Variants in CREB1 observed in about 807,000 individuals in gnomAD.
CREB1 encodes cyclic AMP-responsive element-binding protein 1.
In CREB1, 2 loss-of-function variants were observed where a neutral mutation model predicts 42.0. The observed-to-expected ratio is 0.05, with a 90% CI of 0.02 to 0.15. The LOEUF is 0.15. Ranked by LOEUF, CREB1 falls within the 10% of genes least tolerant of loss-of-function variation. CREB1 has a pLI of 1.00. For synonymous variants in CREB1, 123 were observed against 139.9 expected (o/e 0.88, Z 0.85); for missense variants, 199 against 388.9 (o/e 0.51, Z 4.11).
At chr2:207,548,478 C>T (rs969736149) in intron 1 of CREB1, among the ~76,000 whole-genome samples, 4 of 151,982 alleles carry the variant, frequency 2.6e-5, no homozygotes, top group African/African-American at 7.3e-5. Flanking sequence ...GGGCCAGGCC[C>T]GGTGGCTCAC....
At position 207,601,872 on chromosome 2, in the gene CREB1, C is replaced by A. The variant is rs771728777; in HGVS notation, c.*4814C>A. 4.6e-6 allele frequency: 1 copy of A among 215,858 alleles called. No homozygotes were observed. Among genetic ancestry groups the A allele is most frequent in the African/African-American group, 2.3e-5 (1 of 44,332 alleles). The allele number at this position is 215,858 out of a possible 1,614,324, so 13.4% of individuals were successfully genotyped here. A position where few individuals can be genotyped will look rare whatever the true frequency, so the allele number is the denominator to read the frequency against. On this transcript the variant is annotated 3_prime_UTR_variant, in exon 8 of 8. Coordinates refer to ENST00000353267, the MANE Select transcript of CREB1 (RefSeq NM_004379.5). The stretch of plus-strand genomic sequence containing the variant: ...CTAGAACTTTTTGTTGGGAGGCTTA[C>A]ATACATCTTGAATATTCTTAATGTA...
intron 7 of CREB1, among the ~76,000 whole-genome samples, chr2:207,585,839 C>T (rs1395229107): frequency 6.6e-6 from 1 of 152,028 alleles, no homozygotes; most frequent in African/African-American, 2.4e-5. Context: ...CAGTCAAACA[C>T]ACACTAAAAA....
chr2:207,589,006 T>C (rs1377237363), intron 7 of CREB1, among the ~76,000 whole-genome samples: 1 of 152,138 alleles, frequency 6.6e-6, no homozygotes, highest in African/African-American at 2.4e-5. Context: ...CTTATTGCAA[T>C]GTCTAGGACT....
chr2:207,537,204 G>A (rs1368656600), intron 1 of CREB1, among the ~76,000 whole-genome samples: 1 of 151,902 alleles, frequency 6.6e-6, no homozygotes, highest in African/African-American at 2.4e-5. Flanking sequence ...ACAGGCGCCT[G>A]CCACCATGCC....
At position 207,604,297 on chromosome 2, in the gene CREB1, C is replaced by A. The variant is rs1222836366; in HGVS notation, c.*7239C>A. ...TCGCCACTGAAGACTTAACATATGT[C>A]TTTTACACTCAGGTTGCAAAACACA... On this transcript the variant is annotated 3_prime_UTR_variant, in exon 8 of 8. Transcript: ENST00000353267. Among the ~76,000 whole-genome samples, 1 of 152,206 alleles carries A rather than the reference C, an allele frequency of 6.6e-6. No homozygotes were observed. Among genetic ancestry groups the A allele is most frequent in the Admixed American group, 6.5e-5 (1 of 15,278 alleles).
At position 207,541,173 on chromosome 2, in the gene CREB1, C is replaced by A. The variant is rs1211206699; in HGVS notation, c.-9+11039C>A. Among the ~76,000 whole-genome samples, 3 of 151,336 alleles carry A rather than the reference C, an allele frequency of 2.0e-5. 1 individual carries two copies. In the East Asian group the frequency reaches 5.8e-4, roughly 29 times the overall value. ...GGTGGAGCATGCAGTGAGCCGAGAT[C>A]GTGCCACTGCACTCCAGCCTGGGTG... On this transcript the variant is annotated intron_variant, in intron 1 of 7. Coordinates refer to ENST00000353267, the MANE Select transcript of CREB1 (RefSeq NM_004379.5).
chr2:207,553,111 G>A (rs374598028), intron 1 of CREB1, among the ~76,000 whole-genome samples: 2 of 136,282 alleles, frequency 1.5e-5, no homozygotes, highest in Non-Finnish European at 3.1e-5. Flanking sequence ...CTCTGACACC[G>A]AGGCTGGAGT....
rs572124681 is a variant in CREB1 at position 207,560,239 on chromosome 2, C to A, written c.128C>A (p.Ala43Glu). The A allele has an allele frequency of 5.0e-6, 8 of 1,608,606 alleles. No homozygotes were observed. The South Asian group carries it at 7.7e-5, about 16-fold the overall frequency. The part of the protein sequence containing the change: ...IATLAQVSMP[A>E]AHATSSAPTV... ...TCAACACCATAGGTATCTATGCCAG[C>A]AGCTCATGCAACATCATCTGCTCCC... The change falls in exon 3 of 8, where the codon GCA (alanine) becomes GAA (glutamate). Residue 43 changes from alanine (A) to glutamate (E), a missense_variant. Physicochemically the swap from Ala to Glu is moderately radical, Grantham distance 107 (BLOSUM62 -1). Transcript: ENST00000353267.
At chr2:207,577,801 C>A (rs1574883848) in intron 7 of CREB1, 146 bp downstream of exon 7, 1 of 927,770 alleles carries the variant, frequency 1.1e-6, no homozygotes, top group Non-Finnish European at 1.7e-6. Context: ...GCTAAATTTT[C>A]TTTATTTAAT....
chr2:207,561,577 A>G (rs1489668527), intron 3 of CREB1, among the ~76,000 whole-genome samples: 2 of 152,154 alleles, frequency 1.3e-5, no homozygotes, highest in Non-Finnish European at 1.5e-5. Context: ...TTCCTGTTCT[A>G]TTGGACTGCT....
chr2:207,534,342 T>C (rs2080777960), intron 1 of CREB1, among the ~76,000 whole-genome samples: 1 of 152,206 alleles, frequency 6.6e-6, no homozygotes, highest in Non-Finnish European at 1.5e-5. Context: ...ATTCAAGTGA[T>C]TCTCCTGCCT....
chr2:207,562,816 CA>C (rs1006324781), intron 3 of CREB1, among the ~76,000 whole-genome samples: 3 of 152,094 alleles, frequency 2.0e-5, no homozygotes, highest in Non-Finnish European at 4.4e-5. Flanking sequence ...CCAAAATATA[CA>C]AGGTACAGTT....
intron 1 of CREB1, among the ~76,000 whole-genome samples, chr2:207,535,642 T>C (rs1347905902): frequency 6.6e-6 from 1 of 152,072 alleles, no homozygotes; most frequent in African/African-American, 2.4e-5. Context: ...ATGATAAACT[T>C]TACTGCATAG....
At chr2:207,551,577 C>T (rs1434614249) in intron 1 of CREB1, among the ~76,000 whole-genome samples, 1 of 152,108 alleles carries the variant, frequency 6.6e-6, no homozygotes, top group Admixed American at 6.5e-5. Context: ...ATGGGAATAT[C>T]TCTATTTGCC....
intron 7 of CREB1, chr2:207,581,363 A>G (rs867687709): frequency 5.0e-6 from 1 of 200,328 alleles, no homozygotes; most frequent in Non-Finnish European, 1.0e-5. Flanking sequence ...TTAAGAGTAA[A>G]TAAAGGTGTA....
intron 3 of CREB1, among the ~76,000 whole-genome samples, chr2:207,565,569 T>C (rs2082111345): frequency 1.3e-5 from 2 of 152,132 alleles, no homozygotes; most frequent in Non-Finnish European, 2.9e-5. Flanking sequence ...CATTAATTTG[T>C]TTCATTTCAA....
intron 1 of CREB1, among the ~76,000 whole-genome samples, chr2:207,543,959 G>A (rs1466241510): frequency 4.0e-5 from 6 of 150,288 alleles, no homozygotes; most frequent in Non-Finnish European, 7.4e-5. Context: ...TCGCTGTGTT[G>A]TGCAGGCTGG....
rs369928360 is a variant in CREB1 at position 207,556,409 on chromosome 2, T to C, written c.114+660T>C. Among the ~76,000 whole-genome samples, 26 of 152,364 alleles carry C rather than the reference T, an allele frequency of 1.7e-4. 1 individual carries two copies. The highest frequency in any genetic ancestry group is 6.0e-4 in the African/African-American group (25 of 41,588). On this transcript the variant is annotated intron_variant, in intron 2 of 7. Coordinates refer to ENST00000353267, the MANE Select transcript of CREB1 (RefSeq NM_004379.5). ...AAAAAACAAATAGCAGATACAGACC[T>C]GCTAGGTAATAGTGTGATACCGTCT...
In CREB1 at chr2:207,594,263, G is replaced by A. The variant is rs377706759; in HGVS notation, c.840-2651G>A. The stretch of plus-strand genomic sequence containing the variant: ...ATAACAAAATTGACCATCTTAATGA[G>A]TTTTAAGTATTCAGTTCAGTCATGT... On this transcript the variant is annotated intron_variant, in intron 7 of 7. Coordinates refer to ENST00000353267, the MANE Select transcript of CREB1 (RefSeq NM_004379.5). Among the ~76,000 whole-genome samples the A allele has an allele frequency of 2.0e-5, 3 of 152,154 alleles. No homozygotes were observed. The East Asian group carries it at 5.8e-4, about 29-fold the overall frequency.
Sources: allele counts gnomAD v4.1 joint callset (sites outside exome capture counted in the v4.1 genomes callset), GRCh38; gene constraint gnomAD v4.1.1; transcripts MANE v1.5; gene names NCBI Gene and HGNC (gene_info 2026-07-23, HGNC 2026-07-21).